The following FNTB variants were observed in gnomAD, a reference collection of about 807,000 sequenced individuals.
The protein encoded by FNTB is protein farnesyltransferase subunit beta.
In FNTB, 27 loss-of-function variants were observed where a neutral mutation model predicts 59.4. The observed-to-expected ratio is 0.45, with a 90% CI of 0.34 to 0.63. FNTB has a LOEUF of 0.63. Among genes scored for constraint, FNTB ranks in the 20% least tolerant of loss-of-function variants. The probability of loss-of-function intolerance (pLI) is 0.02; values close to 1 mark genes in which losing one functional copy is unlikely to be tolerated. For missense variants in FNTB, 449 were observed against 559.6 expected (o/e 0.80, Z 1.99); for synonymous variants, 230 against 220.7 (o/e 1.04, Z -0.37).
Position 64,986,998 on chromosome 14 carries a change from C to T in FNTB, c.45C>T (p.Ser15=). 1.2e-6 allele frequency: 2 copies of T among 1,614,248 alleles called. No individual in the cohort carries two copies. The highest frequency in any genetic ancestry group is 1.7e-6 in the Non-Finnish European group (2 of 1,180,042). ...SSFTYYCPPS[S]SPVWSEPLYS... is the part of the protein sequence containing the mutation. ...TCACCTACTATTGCCCTCCATCTTC[C>T]TCCCCCGTCTGGTCAGAGCCGCTGT... Residue 15 remains serine, a synonymous_variant, in exon 1 of 12, where the codon TCC becomes TCT. Coordinates refer to ENST00000246166, the MANE Select transcript of FNTB (RefSeq NM_002028.4).
At chr14:65,041,730 C>T (rs557618148) in intron 8 of FNTB, among the ~76,000 whole-genome samples, 31 of 152,270 alleles carry the variant, frequency 2.0e-4, no homozygotes, top group African/African-American at 5.8e-4. Context: ...AAGCCTCCCC[C>T]GGTGTAGTCT....
chr14:65,006,121 A>G (rs2139485695), intron 2 of FNTB: 1 of 1,595,838 alleles, frequency 6.3e-7, no homozygotes, highest in Non-Finnish European at 8.5e-7. Context: ...CTGGAACATT[A>G]TAAATAGGTC....
At position 65,061,621 on chromosome 14, in the gene FNTB, G is replaced by A; in HGVS notation, c.*309G>A. The A allele has an allele frequency of 3.6e-6, 1 of 277,986 alleles. No individual in the cohort carries two copies. The highest frequency in any genetic ancestry group is 7.0e-5 in the East Asian group (1 of 14,376). The allele number at this position is 277,986 out of a possible 1,614,324, so 17.2% of individuals were successfully genotyped here. On this transcript the variant is annotated 3_prime_UTR_variant, in exon 12 of 12. Transcript: ENST00000246166. ...GCTCTCCAGCCAGGACGATCACACAGAGATGAATGGCATCTGAGTATTACG... is the reference window on the plus strand; with the variant it reads ...GCTCTCCAGCCAGGACGATCACACAAAGATGAATGGCATCTGAGTATTACG...
In FNTB at chr14:65,031,923, TA is replaced by T. The variant is rs2062092952; in HGVS notation, c.606-682del. 6.6e-6 allele frequency among the ~76,000 whole-genome samples: 1 copy of T among 151,336 alleles called. No homozygotes were observed. On this transcript the variant is annotated intron_variant, in intron 6 of 11. Transcript: ENST00000246166. This position sits in a 1 kb window ranked among gnomAD's most constrained non-coding sequence, Gnocchi z 4.6. ...GCGACAGAGTGAGACCCTGTCTCAA[TA>T]AAAACCAAAACAAAAGCAAAACAAA... is the stretch of plus-strand genomic sequence containing the variant.
chr14:65,044,254 G>T lies in FNTB; in HGVS notation c.823-57G>T. ...CAGATTGACTCCTGGAGATTCTGTCGGGCTGGATTTTGTCTCTTTTAGCCT... is the reference window on the plus strand; with the variant it reads ...CAGATTGACTCCTGGAGATTCTGTCTGGCTGGATTTTGTCTCTTTTAGCCT... On this transcript the variant is annotated intron_variant, in intron 8 of 11. Coordinates refer to ENST00000246166, the MANE Select transcript of FNTB (RefSeq NM_002028.4). The surrounding 1 kb of genome is among the most constrained non-coding windows in gnomAD (Gnocchi z 5.5). 6.2e-7 allele frequency: 1 copy of T among 1,606,450 alleles called. No individual in the cohort carries two copies. The highest frequency in any genetic ancestry group is 2.3e-5 in the East Asian group (1 of 44,196).
Position 65,030,731 on chromosome 14 carries a change from T to G in FNTB, c.606-1879T>G, listed in dbSNP as rs1000478182. ...CTGCAGCCTGGGCAACAAAGTGAGA[T>G]CCTATCTTAAAAAAAAAAAAGAAGA... On this transcript the variant is annotated intron_variant, in intron 6 of 11. Coordinates refer to ENST00000246166, the MANE Select transcript of FNTB (RefSeq NM_002028.4). The surrounding 1 kb of genome is among the most constrained non-coding windows in gnomAD (Gnocchi z 4.5). Among the ~76,000 whole-genome samples, 3 of 151,174 alleles carry G rather than the reference T, an allele frequency of 2.0e-5. No individual in the cohort carries two copies. The highest frequency in any genetic ancestry group is 4.4e-5 in the Non-Finnish European group (3 of 67,822).
Position 65,032,338 on chromosome 14 carries a change from CTGT to C in FNTB, c.606-270_606-268del. 1 of 307,866 alleles carries C rather than the reference CTGT, an allele frequency of 3.2e-6. No homozygotes were observed. 19.1% of individuals were successfully genotyped at this position (307,866 alleles called of 1,614,324 possible). ...CCACTTTTGACATGAATTGATATGG[CTGT>C]TATTTCCTCTGATGTAGATTGGACC... On this transcript the variant is annotated intron_variant, in intron 6 of 11. Coordinates refer to ENST00000246166, the MANE Select transcript of FNTB (RefSeq NM_002028.4). This position sits in a 1 kb window ranked among gnomAD's most constrained non-coding sequence, Gnocchi z 5.0.
chr14:65,020,733 C>CT (rs71123901), intron 4 of FNTB, among the ~76,000 whole-genome samples: 23,723 of 123,282 alleles, frequency 0.19, 2,931 homozygotes, highest in Non-Finnish European at 0.25. Context: ...CGCGCCCGGC[C>CT]TTTTTTTTTT....
Position 65,024,229 on chromosome 14 carries a change from A to G in FNTB, c.375-3224A>G, listed in dbSNP as rs144745202. ...GAGAAGCACTGATACCTGGCTGAAC[A>G]TTGGAATCACGTGGGGAGTTTAAAA... is the stretch of plus-strand genomic sequence containing the variant. On this transcript the variant is annotated intron_variant, in intron 4 of 11. Coordinates refer to ENST00000246166, the MANE Select transcript of FNTB (RefSeq NM_002028.4). Among the ~76,000 whole-genome samples, 263 of 152,290 alleles carry G rather than the reference A, an allele frequency of 1.7e-3. 1 individual carries two copies. The highest frequency in any genetic ancestry group is 0.014 in the Middle Eastern group (4 of 294).
At chr14:65,026,213 G>A (rs550361795) in intron 4 of FNTB, among the ~76,000 whole-genome samples, 9 of 152,334 alleles carry the variant, frequency 5.9e-5, no homozygotes, top group African/African-American at 2.2e-4. Flanking sequence ...ACCCTGCTGA[G>A]CTGTGGAGAA....
intron 7 of FNTB, among the ~76,000 whole-genome samples, chr14:65,033,876 A>G (rs945513118): frequency 3.3e-5 from 5 of 152,184 alleles, no homozygotes; most frequent in Non-Finnish European, 7.4e-5. Context: ...AGCAAAAGGT[A>G]TAGTAGACAC....
intron 11 of FNTB, among the ~76,000 whole-genome samples, chr14:65,055,014 C>T (rs896130769): frequency 1.3e-5 from 2 of 152,236 alleles, no homozygotes; most frequent in Non-Finnish European, 2.9e-5. Flanking sequence ...GGCTGTGAGT[C>T]CCAGCAGGCT....
chr14:65,042,406 C>A (rs1284286819), intron 8 of FNTB, among the ~76,000 whole-genome samples: 1 of 152,172 alleles, frequency 6.6e-6, no homozygotes, highest in Non-Finnish European at 1.5e-5. Flanking sequence ...ATTAGACTCT[C>A]ATGTAGAGCG....
Position 65,061,395 on chromosome 14 carries a change from G to C in FNTB, c.*83G>C, listed in dbSNP as rs146484961. 5 of 1,574,272 alleles carry C rather than the reference G, an allele frequency of 3.2e-6. No individual in the cohort carries two copies. In the East Asian group the frequency reaches 1.1e-4, roughly 36 times the overall value. The stretch of plus-strand genomic sequence containing the variant: ...TACGTTTCAATACATACTGCATTCT[G>C]TGCTACACAAGCCTTAGCCTCAGTG... On this transcript the variant is annotated 3_prime_UTR_variant, in exon 12 of 12. Transcript: ENST00000246166.
At position 65,031,947 on chromosome 14, in the gene FNTB, A is replaced by C. The variant is rs2062093454; in HGVS notation, c.606-663A>C. On this transcript the variant is annotated intron_variant, in intron 6 of 11. Coordinates refer to ENST00000246166, the MANE Select transcript of FNTB (RefSeq NM_002028.4). This position sits in a 1 kb window ranked among gnomAD's most constrained non-coding sequence, Gnocchi z 4.6. ...ATAAAAACCAAAACAAAAGCAAAAC[A>C]AAAAATATAGACGTGCGCCTTTTTC... is the stretch of plus-strand genomic sequence containing the variant. Among the ~76,000 whole-genome samples, 1 of 151,422 alleles carries C rather than the reference A, an allele frequency of 6.6e-6. No homozygotes were observed. Among genetic ancestry groups the C allele is most frequent in the Non-Finnish European group, 1.5e-5 (1 of 67,946 alleles).
At chr14:65,061,118 GGA>G in intron 11 of FNTB, 61 bp from the exon 12 acceptor site, 1 of 1,593,410 alleles carries the variant, frequency 6.3e-7, no homozygotes, top group Non-Finnish European at 8.6e-7. Flanking sequence ...ATGGAGCAAA[GGA>G]TGTGTTATGT....
At chr14:65,026,976 T>C (rs2061994206) in intron 4 of FNTB, among the ~76,000 whole-genome samples, 1 of 152,074 alleles carries the variant, frequency 6.6e-6, no homozygotes, top group Non-Finnish European at 1.5e-5. Flanking sequence ...ATGTTCATGA[T>C]AGGCCTAGGT....
At chr14:65,013,325 C>CT (rs11413261) in intron 3 of FNTB, among the ~76,000 whole-genome samples, 82,252 of 146,664 alleles carry the variant, frequency 0.56, 23,348 homozygotes, top group African/African-American at 0.68. Context: ...TCTTTGTTTC[C>CT]TTTTTTTTTT....
Position 65,004,304 on chromosome 14 carries a change from T to C in FNTB, c.200T>C (p.Leu67Pro), listed in dbSNP as rs777015815. 6.2e-7 allele frequency: 1 copy of C among 1,612,962 alleles called. No homozygotes were observed. Among genetic ancestry groups the C allele is most frequent in the Non-Finnish European group, 8.5e-7 (1 of 1,179,398 alleles). Residue 67 changes from leucine (L) to proline (P), a missense_variant, in exon 2 of 12, where the codon CTT (leucine) becomes CCT (proline). Physicochemically the swap from Leu to Pro is moderately conservative, Grantham distance 98. Coordinates refer to ENST00000246166, the MANE Select transcript of FNTB (RefSeq NM_002028.4). ...TTCAGTTCTTACAAGTTCAACCACC[T>C]TGTACCAAGGTAAGCTGTGGTTAGG... ...EVFSSYKFNH[L>P]VPRLVLQREK...
Sources: allele counts gnomAD v4.1 joint callset (sites outside exome capture counted in the v4.1 genomes callset), GRCh38; gene constraint gnomAD v4.1.1; non-coding constraint Gnocchi (gnomAD v3.1); transcripts MANE v1.5; gene names NCBI Gene and HGNC (gene_info 2026-07-23, HGNC 2026-07-21).